The following PCSK2 variants were observed in gnomAD, a reference collection of about 807,000 sequenced individuals.
PCSK2 encodes the protein neuroendocrine convertase 2.
PCSK2 carries 14 observed loss-of-function variants against 69.7 expected under a neutral mutation model. The ratio of observed to expected loss-of-function variants is 0.20; its 90% CI spans 0.13 to 0.31. The LOEUF (loss-of-function observed/expected upper bound fraction) is 0.31. Ranked by LOEUF, PCSK2 falls within the 10% of genes least tolerant of loss-of-function variation. The pLI is 1.00. For missense variants in PCSK2, 544 were observed against 842.5 expected, an observed-to-expected ratio of 0.65 and a Z score of 4.39; for synonymous variants, 307 against 320.7, an observed-to-expected ratio of 0.96 and a Z score of 0.46.
chr20:17,308,607 C>G (rs1289405100), intron 2 of PCSK2, among the ~76,000 whole-genome samples: 3 of 152,188 alleles, frequency 2.0e-5, no homozygotes, highest in Non-Finnish European at 4.4e-5. Context: ...AGCCATCCCA[C>G]AATTTAATGG....
At chr20:17,238,586 T>C (rs888497389) in intron 1 of PCSK2, among the ~76,000 whole-genome samples, 4 of 152,120 alleles carry the variant, frequency 2.6e-5, no homozygotes, top group African/African-American at 9.7e-5. Flanking sequence ...CAATGCATTA[T>C]TGATATCACT....
chr20:17,325,114 C>G (rs1990002421), intron 2 of PCSK2, among the ~76,000 whole-genome samples: 1 of 152,128 alleles, frequency 6.6e-6, no homozygotes, highest in Non-Finnish European at 1.5e-5. Context: ...CAACAGCTTT[C>G]CTTTGAGAAA....
At chr20:17,383,650 A>AAAAAAAG (rs1555792247) in intron 5 of PCSK2, among the ~76,000 whole-genome samples, 2 of 152,074 alleles carry the variant, frequency 1.3e-5, no homozygotes, top group African/African-American at 4.8e-5. Flanking sequence ...TGAAAAATAA[A>AAAAAAAG]AAAAAGAAAA....
intron 1 of PCSK2, among the ~76,000 whole-genome samples, chr20:17,230,741 T>C (rs1264422474): frequency 6.6e-6 from 1 of 152,228 alleles, no homozygotes; most frequent in African/African-American, 2.4e-5. Context: ...TCTCCATATC[T>C]AGCATGGTGG....
At chr20:17,268,672 G>C (rs942093424) in intron 2 of PCSK2, among the ~76,000 whole-genome samples, 1 of 152,196 alleles carries the variant, frequency 6.6e-6, no homozygotes, top group Admixed American at 6.5e-5. Context: ...GATCATGGGC[G>C]ACATGATAAG....
intron 2 of PCSK2, among the ~76,000 whole-genome samples, chr20:17,309,678 CCTGG>C (rs764956176): frequency 2.0e-5 from 3 of 151,958 alleles, no homozygotes; most frequent in Non-Finnish European, 4.4e-5. Flanking sequence ...ATTAGCCAGG[CCTGG>C]TGGCAGGTGC....
chr20:17,253,239 C>T (rs1344464896), intron 1 of PCSK2, among the ~76,000 whole-genome samples: 1 of 152,152 alleles, frequency 6.6e-6, no homozygotes, highest in Non-Finnish European at 1.5e-5. Flanking sequence ...AATTTATCCT[C>T]TAAAAATTTG....
chr20:17,308,706 A>G (rs1011724746), intron 2 of PCSK2, among the ~76,000 whole-genome samples: 4 of 152,214 alleles, frequency 2.6e-5, no homozygotes, highest in Non-Finnish European at 5.9e-5. Context: ...TCATACATCT[A>G]TGGACAGCTG....
chr20:17,261,003 C>T (rs190607985), intron 2 of PCSK2, among the ~76,000 whole-genome samples: 6 of 152,122 alleles, frequency 3.9e-5, no homozygotes, highest in Admixed American at 2.0e-4. Context: ...TGTGATGGCT[C>T]AAATTCAACT....
chr20:17,299,183 T>C (rs963424301), intron 2 of PCSK2, among the ~76,000 whole-genome samples: 6 of 152,332 alleles, frequency 3.9e-5, no homozygotes, highest in Middle Eastern at 3.4e-3. Context: ...TCTATTTGTT[T>C]TCACATGCGA....
At chr20:17,257,697 G>A (rs1331159715) in intron 1 of PCSK2, among the ~76,000 whole-genome samples, 1 of 152,134 alleles carries the variant, frequency 6.6e-6, no homozygotes, top group Non-Finnish European at 1.5e-5. Context: ...TCTCAAGCAG[G>A]CAGTTTTAAA....
chr20:17,439,561 A>G lies in PCSK2; in HGVS notation c.885+2678A>G, dbSNP rs146580950. Reference sequence around the variant, plus strand: ...TAGGCAATGTAAAATTTGTAAAAGAATTGATGAAATGAGCTCAGTCTGATT... The same window carrying G: ...TAGGCAATGTAAAATTTGTAAAAGAGTTGATGAAATGAGCTCAGTCTGATT... On this transcript the variant is annotated intron_variant, in intron 8 of 11. Coordinates refer to ENST00000262545, the MANE Select transcript of PCSK2 (RefSeq NM_002594.5). 2.1e-3 allele frequency among the ~76,000 whole-genome samples: 321 copies of G among 152,318 alleles called. 2 individuals carry two copies. Among genetic ancestry groups the G allele is most frequent in the African/African-American group, 7.2e-3 (301 of 41,578 alleles).
At chr20:17,448,738 C>T (rs910075947) in intron 8 of PCSK2, among the ~76,000 whole-genome samples, 8 of 152,080 alleles carry the variant, frequency 5.3e-5, no homozygotes, top group Non-Finnish European at 1.2e-4. Context: ...TAGTTGAGAA[C>T]CAGGGTGGTT....
chr20:17,427,858 A>G (rs742424), intron 6 of PCSK2, among the ~76,000 whole-genome samples: 97,387 of 151,920 alleles, frequency 0.64, 31,570 homozygotes, highest in Middle Eastern at 0.76. Flanking sequence ...GCCCGGGCTT[A>G]CTCACATGGA....
chr20:17,384,010 C>T (rs1247834705), intron 5 of PCSK2, among the ~76,000 whole-genome samples: 2 of 151,996 alleles, frequency 1.3e-5, no homozygotes, highest in Non-Finnish European at 2.9e-5. Context: ...AAAATAACAC[C>T]GAACACCAAA....
At chr20:17,355,366 G>A (rs535876781) in intron 2 of PCSK2, among the ~76,000 whole-genome samples, 9 of 152,250 alleles carry the variant, frequency 5.9e-5, no homozygotes, top group South Asian at 2.1e-4. Context: ...AGTTATTTAC[G>A]ACAAGGAGTC....
At chr20:17,398,264 C>A (rs186901276) in intron 5 of PCSK2, among the ~76,000 whole-genome samples, 1 of 152,194 alleles carries the variant, frequency 6.6e-6, no homozygotes, top group East Asian at 1.9e-4. Context: ...GTGTCTCATG[C>A]CTGCAATCCC....
chr20:17,362,514 G>T (rs568800165), intron 4 of PCSK2, among the ~76,000 whole-genome samples: 95 of 152,252 alleles, frequency 6.2e-4, no homozygotes, highest in African/African-American at 2.2e-3. Flanking sequence ...AGGCTCCAAT[G>T]GGAGGCTGAA....
At chr20:17,435,812 G>T (rs1427734554) in intron 7 of PCSK2, among the ~76,000 whole-genome samples, 1 of 152,188 alleles carries the variant, frequency 6.6e-6, no homozygotes, top group African/African-American at 2.4e-5. Context: ...GCGAAGTTTT[G>T]AGGGTAGTGA....
Sources: gnomAD v4.1 joint callset for allele counts (sites outside exome capture counted in the v4.1 genomes callset) on GRCh38, gnomAD v4.1.1 for gene constraint, MANE v1.5 for transcripts, NCBI Gene and HGNC (gene_info 2026-07-23, HGNC 2026-07-21) for gene names.